The following HECW1 variants were observed in gnomAD, a reference collection of about 807,000 sequenced individuals.
HECW1 encodes the protein HECT, C2 and WW domain containing E3 ubiquitin protein ligase 1.
A neutral mutation model predicts 182.3 loss-of-function variants in HECW1; 61 were observed. The observed-to-expected ratio is 0.33, with a 90% CI of 0.27 to 0.41. HECW1 has a LOEUF of 0.41. Ranked by LOEUF, HECW1 falls within the 10% of genes least tolerant of loss-of-function variation. The pLI is 1.00. For missense variants in HECW1, 1,739 were observed against 2,108.9 expected, an observed-to-expected ratio of 0.82 and a Z score of 3.44; for synonymous variants, 859 against 832.6, an observed-to-expected ratio of 1.03 and a Z score of -0.55.
chr7:43,488,035 C>A (rs1254157023), intron 17 of HECW1, among the ~76,000 whole-genome samples: 1 of 149,646 alleles, frequency 6.7e-6, no homozygotes. Context: ...GGCAGACAGT[C>A]ACAGTGGCTA....
intron 3 of HECW1, among the ~76,000 whole-genome samples, chr7:43,308,765 G>A (rs112790033): frequency 0.013 from 1,983 of 152,136 alleles, 57 homozygotes; most frequent in African/African-American, 0.046. Flanking sequence ...GGGATTACAG[G>A]CACCTGCCAA....
At chr7:43,509,696 A>T (rs746393882) in intron 24 of HECW1, 5 of 152,352 alleles carry the variant, frequency 3.3e-5, no homozygotes, top group Non-Finnish European at 7.3e-5. Flanking sequence ...TGTGGTGCAG[A>T]TGTGGGTATT....
intron 24 of HECW1, among the ~76,000 whole-genome samples, chr7:43,527,135 T>A (rs2080790706): frequency 6.6e-6 from 1 of 152,166 alleles, no homozygotes; most frequent in South Asian, 2.1e-4. Flanking sequence ...CTAGATAAAT[T>A]CCCTTCTTGC....
At chr7:43,223,343 C>T (rs535130362) in intron 2 of HECW1, among the ~76,000 whole-genome samples, 7 of 152,318 alleles carry the variant, frequency 4.6e-5, no homozygotes, top group African/African-American at 1.4e-4. Flanking sequence ...CAAGGCCAGG[C>T]GCCATGGCTC....
At chr7:43,466,403 CT>C in intron 14 of HECW1, 43 bp from the exon 15 acceptor site, 7 of 1,602,432 alleles carry the variant, frequency 4.4e-6, no homozygotes, top group East Asian at 2.2e-5. Flanking sequence ...GTTGAAATGC[CT>C]TTTTCCCAAT....
At chr7:43,314,312 A>G (rs560953048) in intron 4 of HECW1, among the ~76,000 whole-genome samples, 14 of 152,220 alleles carry the variant, frequency 9.2e-5, no homozygotes, top group Non-Finnish European at 2.1e-4. Context: ...CTGAAGCTCA[A>G]CCAGGGATCC....
chr7:43,312,907 C>T (rs1157198615), intron 4 of HECW1, among the ~76,000 whole-genome samples: 1 of 152,250 alleles, frequency 6.6e-6, no homozygotes, highest in Non-Finnish European at 1.5e-5. Context: ...CAAGAGTCAA[C>T]AGATTCAACA....
At chr7:43,353,160 T>C (rs1453694248) in intron 5 of HECW1, among the ~76,000 whole-genome samples, 1 of 152,014 alleles carries the variant, frequency 6.6e-6, no homozygotes, top group African/African-American at 2.4e-5. Flanking sequence ...AATATAAATA[T>C]ATATATATTA....
Position 43,493,067 on chromosome 7 carries a change from G to A in HECW1, c.3341-17G>A. 7.6e-6 allele frequency: 12 copies of A among 1,580,536 alleles called. No homozygotes were observed. Among genetic ancestry groups the A allele is most frequent in the Non-Finnish European group, 9.6e-6 (11 of 1,150,362 alleles). On this transcript the variant is annotated splice_polypyrimidine_tract_variant and intron_variant, in intron 18 of 29. Coordinates refer to ENST00000395891, the MANE Select transcript of HECW1 (RefSeq NM_015052.5). ...GGGCTGCAGACTCAACCACAACTGT[G>A]CTTTTGTCTGTTTCAGCATATAATG... is the stretch of plus-strand genomic sequence containing the variant.
chr7:43,439,613 A>T (rs2076818241), intron 9 of HECW1: 1 of 152,250 alleles, frequency 6.6e-6, no homozygotes, highest in South Asian at 2.1e-4. Context: ...CATTAGATAG[A>T]TACCAGTTCG....
intron 24 of HECW1, among the ~76,000 whole-genome samples, chr7:43,533,274 A>G (rs538288591): frequency 2.0e-5 from 3 of 152,288 alleles, no homozygotes; most frequent in South Asian, 2.1e-4. Context: ...AACTTAACCC[A>G]TGCAAGTCCT....
intron 6 of HECW1, among the ~76,000 whole-genome samples, chr7:43,371,034 C>T (rs1428274919): frequency 6.6e-6 from 1 of 151,934 alleles, no homozygotes; most frequent in East Asian, 1.9e-4. Context: ...ACTACAGGTG[C>T]CCGCCACCAC....
At chr7:43,551,479 G>A (rs1253646997) in intron 27 of HECW1, among the ~76,000 whole-genome samples, 1 of 150,716 alleles carries the variant, frequency 6.6e-6, no homozygotes, top group African/African-American at 2.4e-5. Flanking sequence ...AGTCATAATT[G>A]CATGTGAAAG....
chr7:43,193,326 A>G (rs745507626), intron 2 of HECW1, among the ~76,000 whole-genome samples: 1 of 152,010 alleles, frequency 6.6e-6, no homozygotes, highest in Non-Finnish European at 1.5e-5. Context: ...CCGAACTCCT[A>G]TCTCATGCCC....
rs987801102 is a variant in HECW1 at position 43,385,120 on chromosome 7, C to T, written c.556-11694C>T. ...AAAGAAACGGGTTCAGCCAAAGGGG[C>T]ATCTCTCTTTCCCTCAACACCCTCT... On this transcript the variant is annotated intron_variant, in intron 6 of 29. Transcript: ENST00000395891. Among the ~76,000 whole-genome samples, 3 of 151,076 alleles carry T rather than the reference C, an allele frequency of 2.0e-5. No individual in the cohort carries two copies. The East Asian group carries it at 5.9e-4, about 30-fold the overall frequency.
chr7:43,535,390 T>TG (rs2081141667), intron 24 of HECW1, among the ~76,000 whole-genome samples: 1 of 152,196 alleles, frequency 6.6e-6, no homozygotes, highest in South Asian at 2.1e-4. Flanking sequence ...CATGTGTTTT[T>TG]GAAAGGTCAG....
At chr7:43,125,998 T>TG (rs1757855667) in intron 2 of HECW1, among the ~76,000 whole-genome samples, 1 of 150,362 alleles carries the variant, frequency 6.7e-6, no homozygotes, top group African/African-American at 2.4e-5. Context: ...CCATGGGAAA[T>TG]GGTCCAAAAG....
intron 6 of HECW1, among the ~76,000 whole-genome samples, chr7:43,388,846 C>A (rs962540691): frequency 6.6e-6 from 1 of 152,164 alleles, no homozygotes; most frequent in Non-Finnish European, 1.5e-5. Context: ...CACTGCCCAG[C>A]CTTACCTGTG....
At chr7:43,330,312 G>A (rs1198210110) in intron 5 of HECW1, among the ~76,000 whole-genome samples, 1 of 152,242 alleles carries the variant, frequency 6.6e-6, no homozygotes, top group Non-Finnish European at 1.5e-5. Context: ...TGTGTGACAA[G>A]AGCATGCTGG....
Sources: gnomAD v4.1 joint callset for allele counts (sites outside exome capture counted in the v4.1 genomes callset) on GRCh38, gnomAD v4.1.1 for gene constraint, MANE v1.5 for transcripts, NCBI Gene and HGNC (gene_info 2026-07-23, HGNC 2026-07-21) for gene names.